EGFLAM: variants seen among roughly 807,000 people sequenced by gnomAD.
EGFLAM encodes pikachurin.
EGFLAM carries 79 observed loss-of-function variants against 113.1 expected under a neutral mutation model. The ratio of observed to expected loss-of-function variants is 0.70; its 90% confidence interval spans 0.58 to 0.84. EGFLAM has a LOEUF of 0.84. Among genes scored for constraint, EGFLAM ranks in the 40% least tolerant of loss-of-function variants. The pLI is 0.00. For synonymous variants in EGFLAM, 504 were observed against 487.6 expected, an observed-to-expected ratio of 1.03 and a Z score of -0.44; for missense variants, 1,265 against 1,291.6, an observed-to-expected ratio of 0.98 and a Z score of 0.32.
intron 15 of EGFLAM, among the ~76,000 whole-genome samples, chr5:38,432,426 C>G (rs1302024227): frequency 2.2e-5 from 3 of 134,340 alleles, no homozygotes; most frequent in Non-Finnish European, 4.6e-5. Context: ...GGTTCTGTTT[C>G]AAGAGGTGGG....
At chr5:38,379,526 G>A (rs1054929780) in intron 6 of EGFLAM, among the ~76,000 whole-genome samples, 2 of 152,066 alleles carry the variant, frequency 1.3e-5, no homozygotes, top group African/African-American at 2.4e-5. Context: ...AGATTCCGGG[G>A]AGGGGATCCG....
chr5:38,292,151 G>A (rs1338239657), intron 1 of EGFLAM, among the ~76,000 whole-genome samples: 2 of 152,154 alleles, frequency 1.3e-5, no homozygotes, highest in Non-Finnish European at 2.9e-5. Flanking sequence ...CCCCAGATGT[G>A]CAGAAACAGA....
At chr5:38,387,166 C>A (rs1740684278) in intron 6 of EGFLAM, among the ~76,000 whole-genome samples, 1 of 152,044 alleles carries the variant, frequency 6.6e-6, no homozygotes, top group Non-Finnish European at 1.5e-5. Context: ...GTCCAGACAC[C>A]AAAAGGCATA....
chr5:38,314,190 A>AT (rs1353068685), intron 1 of EGFLAM, among the ~76,000 whole-genome samples: 1 of 152,078 alleles, frequency 6.6e-6, no homozygotes, highest in Non-Finnish European at 1.5e-5. Context: ...CTAGAAATTG[A>AT]TTTTCTCTTC....
intron 6 of EGFLAM, among the ~76,000 whole-genome samples, chr5:38,372,948 C>T (rs1301714093): frequency 1.3e-5 from 2 of 152,012 alleles, no homozygotes; most frequent in Admixed American, 6.5e-5. Context: ...ACATGATTTT[C>T]CCATACATAA....
Position 38,463,902 on chromosome 5 carries a change from C to T in EGFLAM, c.2946C>T (p.His982=), listed in dbSNP as rs1561111081. The T allele has an allele frequency of 6.2e-7, 1 of 1,614,246 alleles. No homozygotes were observed. Among genetic ancestry groups the T allele is most frequent in the Admixed American group, 1.7e-5 (1 of 60,028 alleles). The change falls in exon 22 of 22, where the codon CAC becomes CAT. Residue 982 remains histidine, a synonymous_variant. Transcript: ENST00000322350. ...GAGGGCTCGTGGGCTGTATCTCTCA[C>T]TTCACCCTGTCCACCGATTACCACA... The part of the protein sequence containing the change: ...YMRGLVGCIS[H]FTLSTDYHIS...
intron 19 of EGFLAM, among the ~76,000 whole-genome samples, chr5:38,457,913 G>A (rs1408132174): frequency 6.6e-6 from 1 of 151,780 alleles, no homozygotes; most frequent in African/African-American, 2.4e-5. Flanking sequence ...AATCCACAGA[G>A]TCAGAAGGTA....
chr5:38,394,341 G>A (rs1214336025), intron 6 of EGFLAM, among the ~76,000 whole-genome samples: 1 of 151,892 alleles, frequency 6.6e-6, no homozygotes, highest in East Asian at 1.9e-4. Context: ...GGCAGCTTCA[G>A]TCCAAATCAA....
At chr5:38,312,552 T>C (rs999022501) in intron 1 of EGFLAM, among the ~76,000 whole-genome samples, 1 of 152,108 alleles carries the variant, frequency 6.6e-6, no homozygotes, top group African/African-American at 2.4e-5. Flanking sequence ...CTCAGATTCT[T>C]ATATGTAAAA....
In EGFLAM at chr5:38,369,075, C is replaced by T. The variant is rs12186899; in HGVS notation, c.546-1221C>T. ...AACTTTTATCTTGTAGTTCTTATTACCTGGAATGTTCTTTTTTTCTCCCCT... is the reference window on the plus strand; with the variant it reads ...AACTTTTATCTTGTAGTTCTTATTATCTGGAATGTTCTTTTTTTCTCCCCT... On this transcript the variant is annotated intron_variant, in intron 5 of 21. Transcript: ENST00000322350. Among the ~76,000 whole-genome samples the T allele has an allele frequency of 6.7e-3, 1,021 of 152,238 alleles. 3 individuals carry two copies. Among genetic ancestry groups the T allele is most frequent in the Non-Finnish European group, 0.011 (761 of 68,006 alleles).
intron 15 of EGFLAM, among the ~76,000 whole-genome samples, chr5:38,433,677 C>T (rs1421997080): frequency 6.6e-6 from 1 of 152,208 alleles, no homozygotes. Flanking sequence ...CTCCTTGACC[C>T]TGCATCCTTC....
intron 10 of EGFLAM, among the ~76,000 whole-genome samples, chr5:38,409,651 G>A (rs1367740899): frequency 6.6e-6 from 1 of 152,182 alleles, no homozygotes; most frequent in African/African-American, 2.4e-5. Context: ...AGCTCTAGTG[G>A]ATGTGATGGG....
At chr5:38,408,009 G>A (rs1741350025) in intron 9 of EGFLAM, 104 bp downstream of exon 9, 5 of 823,670 alleles carry the variant, frequency 6.1e-6, no homozygotes, top group East Asian at 2.6e-5. Flanking sequence ...CAGGGAGAGC[G>A]ACGAAAGGTA....
chr5:38,366,728 T>C (rs1414752421), intron 5 of EGFLAM, among the ~76,000 whole-genome samples: 1 of 152,222 alleles, frequency 6.6e-6, no homozygotes, highest in Non-Finnish European at 1.5e-5. Context: ...CTCTCAAAGC[T>C]TTTGGGATCA....
intron 17 of EGFLAM, among the ~76,000 whole-genome samples, chr5:38,441,453 T>C (rs1048832801): frequency 2.0e-5 from 3 of 152,190 alleles, no homozygotes; most frequent in Non-Finnish European, 4.4e-5. Flanking sequence ...CCTTTTTTCT[T>C]TACTTGCATC....
chr5:38,334,964 G>A (rs1318746411), intron 1 of EGFLAM, among the ~76,000 whole-genome samples: 1 of 152,134 alleles, frequency 6.6e-6, no homozygotes, highest in East Asian at 1.9e-4. Context: ...GACGGGTTGG[G>A]GAGTACTACT....
chr5:38,336,467 C>G (rs896717674), intron 1 of EGFLAM, among the ~76,000 whole-genome samples: 3 of 151,766 alleles, frequency 2.0e-5, no homozygotes, highest in African/African-American at 7.3e-5. Flanking sequence ...CCAGCTACTC[C>G]GGAGGCTGAG....
intron 5 of EGFLAM, among the ~76,000 whole-genome samples, chr5:38,357,926 G>C (rs1424944079): frequency 6.9e-6 from 1 of 144,784 alleles, no homozygotes; most frequent in East Asian, 2.0e-4. Context: ...GTAGTGGCAC[G>C]ATCTTGGCTC....
chr5:38,337,516 G>T lies in EGFLAM; in HGVS notation c.98-4G>T, dbSNP rs376475358. ...CTAACACAATCTCTTTTGTTTGGGG[G>T]CAGGCAAGGTAGGGCCTCCTCTTGA... is the stretch of plus-strand genomic sequence containing the variant. On this transcript the variant is annotated splice_polypyrimidine_tract_variant and splice_region_variant and intron_variant, in intron 1 of 21. Coordinates refer to ENST00000322350, the MANE Select transcript of EGFLAM (RefSeq NM_152403.4). 6.3e-7 allele frequency: 1 copy of T among 1,589,356 alleles called. No homozygotes were observed. The highest frequency in any genetic ancestry group is 1.1e-5 in the South Asian group (1 of 87,518).
Sources: gnomAD v4.1 joint callset for allele counts (sites outside exome capture counted in the v4.1 genomes callset) on GRCh38, gnomAD v4.1.1 for gene constraint, MANE v1.5 for transcripts, NCBI Gene and HGNC (gene_info 2026-07-23, HGNC 2026-07-21) for gene names.